The following NCAM2 variants were observed in gnomAD, a reference collection of about 807,000 sequenced individuals.
The protein encoded by NCAM2 is N-CAM-2.
In NCAM2, 30 loss-of-function variants were observed where a neutral mutation model predicts 98.1. The observed-to-expected ratio is 0.31, with a 90% CI of 0.23 to 0.41. The LOEUF is 0.41. NCAM2 is among the 10% of genes least tolerant of loss of function. The pLI is 1.00. For missense variants in NCAM2, 867 were observed against 1,005.8 expected, an observed-to-expected ratio of 0.86 and a Z score of 1.87; for synonymous variants, 368 against 342.4, an observed-to-expected ratio of 1.07 and a Z score of -0.83.
At chr21:21,394,185 T>G in intron 9 of NCAM2, among the ~76,000 whole-genome samples, 1 of 152,186 alleles carries the variant, frequency 6.6e-6, no homozygotes, top group Non-Finnish European at 1.5e-5. Context: ...CACATCTAAT[T>G]TAGTATTCCA....
intron 1 of NCAM2, among the ~76,000 whole-genome samples, chr21:21,052,064 C>A (rs2065119769): frequency 6.6e-6 from 1 of 151,464 alleles, no homozygotes. Context: ...TGAACGAATT[C>A]ATCACCCAGG....
intron 5 of NCAM2, among the ~76,000 whole-genome samples, chr21:21,294,068 T>G (rs986242506): frequency 6.6e-6 from 1 of 151,680 alleles, no homozygotes; most frequent in Non-Finnish European, 1.5e-5. Flanking sequence ...AGTTTCTACT[T>G]TAATATGTGG....
intron 12 of NCAM2, chr21:21,463,693 A>C (rs2826852): frequency 0.4 from 60,146 of 151,926 alleles, 13,341 homozygotes; most frequent in Non-Finnish European, 0.51. Context: ...CTGAGTTGAT[A>C]CAGTGTAACT....
intron 1 of NCAM2, among the ~76,000 whole-genome samples, chr21:21,263,290 G>C (rs1436350229): frequency 6.6e-6 from 1 of 151,832 alleles, no homozygotes; most frequent in Non-Finnish European, 1.5e-5. Context: ...AAAATACCTA[G>C]GAATACATTT....
chr21:21,014,619 T>C (rs1316419079), intron 1 of NCAM2, among the ~76,000 whole-genome samples: 1 of 152,202 alleles, frequency 6.6e-6, no homozygotes, highest in Non-Finnish European at 1.5e-5. Flanking sequence ...CTCTGCTCAA[T>C]CAAGAGCTGT....
At chr21:21,512,453 G>GTT (rs1466065987) in intron 16 of NCAM2, among the ~76,000 whole-genome samples, 2 of 151,984 alleles carry the variant, frequency 1.3e-5, no homozygotes, top group Non-Finnish European at 2.9e-5. Context: ...CTGTGTGTCT[G>GTT]TTTTTATGCC....
intron 9 of NCAM2, among the ~76,000 whole-genome samples, chr21:21,405,375 A>C (rs1328789731): frequency 1.3e-5 from 2 of 152,148 alleles, no homozygotes; most frequent in African/African-American, 4.8e-5. Context: ...GGGAAGAGGT[A>C]ACAACCTAAT....
chr21:21,358,198 T>G (rs1402212495), intron 8 of NCAM2, among the ~76,000 whole-genome samples: 1 of 152,128 alleles, frequency 6.6e-6, no homozygotes, highest in Non-Finnish European at 1.5e-5. Context: ...ATATTCTGTC[T>G]TGTTTAGGAT....
At chr21:21,134,861 G>A (rs534831454) in intron 1 of NCAM2, among the ~76,000 whole-genome samples, 3 of 151,922 alleles carry the variant, frequency 2.0e-5, no homozygotes, top group South Asian at 4.2e-4. Context: ...CTACAGCCAC[G>A]TGCCACCACA....
rs568176232 is a variant in NCAM2, at chr21:21,029,881, G to C, written c.55+31263G>C. Among the ~76,000 whole-genome samples, 30 of 152,164 alleles carry C rather than the reference G, an allele frequency of 2.0e-4. 1 individual carries two copies. The South Asian group carries it at 5.8e-3, about 29-fold the overall frequency. Reference sequence around the variant, plus strand: ...TCCTGACCTCGTGATTCGCCCGCCTGAGCCTCCCAAAGTGCTGGGATTGTG... The same window carrying C: ...TCCTGACCTCGTGATTCGCCCGCCTCAGCCTCCCAAAGTGCTGGGATTGTG... On this transcript the variant is annotated intron_variant, in intron 1 of 17. Transcript: ENST00000400546.
chr21:21,501,174 C>G (rs779772035), intron 15 of NCAM2, among the ~76,000 whole-genome samples: 1 of 151,912 alleles, frequency 6.6e-6, no homozygotes, highest in Non-Finnish European at 1.5e-5. Flanking sequence ...AATATAATAT[C>G]CAGGTTTATA....
intron 5 of NCAM2, among the ~76,000 whole-genome samples, chr21:21,295,616 T>C (rs181956600): frequency 1.5e-4 from 23 of 151,930 alleles, no homozygotes; most frequent in Non-Finnish European, 3.2e-4. Context: ...CTTGTTTTTT[T>C]CCTTCCGCCA....
chr21:21,418,350 AT>A lies in NCAM2; in HGVS notation c.1384-122del, dbSNP rs2077036528. Reference sequence around the variant, plus strand: ...GCTTACTTAATAAAGAAAATTAAAAATATATGGTAAGGAGTTGTTGGGTAAA... The same window carrying A: ...GCTTACTTAATAAAGAAAATTAAAAAATATGGTAAGGAGTTGTTGGGTAAA... On this transcript the variant is annotated intron_variant, in intron 10 of 17. Coordinates refer to ENST00000400546, the MANE Select transcript of NCAM2 (RefSeq NM_004540.5). 1.3e-5 allele frequency: 9 copies of A among 672,698 alleles called. No homozygotes were observed. In the South Asian group the frequency reaches 1.7e-4, roughly 13 times the overall value. The allele number at this position is 672,698 out of a possible 1,614,324, so 41.7% of individuals were successfully genotyped here.
At chr21:21,086,733 A>T (rs1020420295) in intron 1 of NCAM2, among the ~76,000 whole-genome samples, 21 of 152,198 alleles carry the variant, frequency 1.4e-4, no homozygotes, top group Admixed American at 1.3e-3. Flanking sequence ...AATGAAATGG[A>T]CAGTTAATTT....
chr21:21,334,179 G>A (rs934247682), intron 6 of NCAM2, among the ~76,000 whole-genome samples: 5 of 151,750 alleles, frequency 3.3e-5, no homozygotes, highest in Non-Finnish European at 2.9e-5. Flanking sequence ...GTGATCCACC[G>A]GCCTCTGCCT....
At chr21:21,428,533 T>G (rs550353161) in intron 11 of NCAM2, among the ~76,000 whole-genome samples, 40 of 152,302 alleles carry the variant, frequency 2.6e-4, no homozygotes, top group African/African-American at 9.1e-4. Context: ...TGCATTGATG[T>G]TTTTGTTAGA....
At chr21:21,437,474 C>CTGTGTGTGTGTGTGTGTGTG (rs3990174) in intron 12 of NCAM2, among the ~76,000 whole-genome samples, 4,289 of 144,452 alleles carry the variant, frequency 0.03, 120 homozygotes, top group African/African-American at 0.066. Context: ...CACCAAGATT[C>CTGTGTGTGTGTGTGTGTGTG]TGTGTGTGTG....
chr21:21,068,756 G>A (rs982045947), intron 1 of NCAM2, among the ~76,000 whole-genome samples: 27 of 152,086 alleles, frequency 1.8e-4, no homozygotes, highest in Non-Finnish European at 2.9e-4. Flanking sequence ...ATGACTTATC[G>A]TTATTACGCT....
intron 1 of NCAM2, among the ~76,000 whole-genome samples, chr21:21,077,184 G>C (rs116277940): frequency 2.6e-5 from 4 of 152,074 alleles, no homozygotes; most frequent in Admixed American, 2.0e-4. Context: ...TGAGGTGCCC[G>C]TCAGAGATTA....
Sources: gnomAD v4.1 joint callset for allele counts (sites outside exome capture counted in the v4.1 genomes callset) on GRCh38, gnomAD v4.1.1 for gene constraint, MANE v1.5 for transcripts, NCBI Gene and HGNC (gene_info 2026-07-23, HGNC 2026-07-21) for gene names.